Variants in SHISA9 observed in about 807,000 individuals in gnomAD.
SHISA9 encodes protein shisa-9.
In SHISA9, 13 loss-of-function variants were observed where a neutral mutation model predicts 38.0. The observed-to-expected ratio is 0.34, with a 90% CI of 0.22 to 0.54. The LOEUF is 0.54. Ranked by LOEUF, SHISA9 falls within the 20% of genes least tolerant of loss-of-function variation. The probability of loss-of-function intolerance (pLI) is 0.91; values close to 1 mark genes in which losing one functional copy is unlikely to be tolerated. For missense variants in SHISA9, 538 were observed against 575.8 expected (o/e 0.93, Z 0.67); for synonymous variants, 275 against 242.0 (o/e 1.14, Z -1.27).
the SHISA9 span, among the ~76,000 whole-genome samples, chr16:13,248,751 T>C: frequency 6.6e-6 from 1 of 152,222 alleles, no homozygotes; most frequent in Non-Finnish European, 1.5e-5. Flanking sequence ...ATTTTGTTTT[T>C]GTTGGGGTCC....
the SHISA9 span, among the ~76,000 whole-genome samples, chr16:13,557,426 T>C: frequency 6.6e-6 from 1 of 152,192 alleles, no homozygotes; most frequent in African/African-American, 2.4e-5. Flanking sequence ...AAGCTCAGCC[T>C]GGTGAATAAC....
At chr16:13,176,907 C>T (rs1488850353) in intron 2 of SHISA9, among the ~76,000 whole-genome samples, 1 of 152,092 alleles carries the variant, frequency 6.6e-6, no homozygotes, top group Non-Finnish European at 1.5e-5. Context: ...GATGCTGAGT[C>T]GCTGTTATTC....
chr16:13,405,388 T>C, the SHISA9 span, among the ~76,000 whole-genome samples: 16 of 152,164 alleles, frequency 1.1e-4, no homozygotes, highest in Admixed American at 9.2e-4. Context: ...ACCCAGAAGA[T>C]AGAAAGATGC....
intron 2 of SHISA9, among the ~76,000 whole-genome samples, chr16:13,171,481 A>AGGGGGC (rs1411364064): frequency 2.5e-5 from 2 of 80,250 alleles, no homozygotes; most frequent in African/African-American, 9.3e-5. Context: ...TTGATACAGC[A>AGGGGGC]GGGGGCGGGG....
the SHISA9 span, among the ~76,000 whole-genome samples, chr16:13,479,069 T>A: frequency 6.6e-6 from 1 of 152,226 alleles, no homozygotes; most frequent in Non-Finnish European, 1.5e-5. Flanking sequence ...CATGGCCTCC[T>A]ACTGGAAGAA....
chr16:13,028,924 GA>G (rs2072958047), intron 2 of SHISA9, among the ~76,000 whole-genome samples: 1 of 152,136 alleles, frequency 6.6e-6, no homozygotes, highest in South Asian at 2.1e-4. Flanking sequence ...AGTGGGGGAC[GA>G]GTCCTTCCCT....
At chr16:13,126,540 A>AAG (rs2050258065) in intron 2 of SHISA9, among the ~76,000 whole-genome samples, 1 of 147,728 alleles carries the variant, frequency 6.8e-6, no homozygotes, top group African/African-American at 2.5e-5. Flanking sequence ...AGAGGGAGAG[A>AAG]GAAAGAGACT....
chr16:13,212,304 G>T (rs1420260099), intron 3 of SHISA9, among the ~76,000 whole-genome samples: 1 of 152,156 alleles, frequency 6.6e-6, no homozygotes, highest in East Asian at 1.9e-4. Flanking sequence ...AGGTCTCGTG[G>T]GTAGGGTTGC....
intron 2 of SHISA9, among the ~76,000 whole-genome samples, chr16:13,139,595 C>A (rs930975606): frequency 1.3e-5 from 2 of 151,882 alleles, no homozygotes; most frequent in African/African-American, 4.8e-5. Flanking sequence ...AACAGAGTTG[C>A]CCTAGTTGAA....
chr16:13,323,343 A>G, the SHISA9 span, among the ~76,000 whole-genome samples: 1 of 152,170 alleles, frequency 6.6e-6, no homozygotes, highest in Non-Finnish European at 1.5e-5. Flanking sequence ...CAACAGATGC[A>G]TTTTATCTCC....
chr16:12,905,456 C>T (rs1476192195), intron 1 of SHISA9, among the ~76,000 whole-genome samples: 2 of 152,088 alleles, frequency 1.3e-5, no homozygotes, highest in African/African-American at 4.8e-5. Context: ...CCCCACTCCC[C>T]TAATGGCTTT....
At chr16:13,474,785 A>G in the SHISA9 span, among the ~76,000 whole-genome samples, 1 of 152,198 alleles carries the variant, frequency 6.6e-6, no homozygotes, top group Non-Finnish European at 1.5e-5. Flanking sequence ...TAAGACAACC[A>G]TGTGAAAATC....
intron 2 of SHISA9, among the ~76,000 whole-genome samples, chr16:13,030,548 A>G (rs909896100): frequency 6.6e-6 from 1 of 152,104 alleles, no homozygotes; most frequent in Non-Finnish European, 1.5e-5. Flanking sequence ...ACCTGTCTGT[A>G]CTCAAAAATG....
the SHISA9 span, among the ~76,000 whole-genome samples, chr16:13,395,602 T>C: frequency 2.0e-5 from 3 of 152,248 alleles, no homozygotes; most frequent in Non-Finnish European, 1.5e-5. Context: ...TCATCTCATT[T>C]AGCTTTTAAA....
At chr16:12,939,234 C>G (rs976669248) in intron 2 of SHISA9, among the ~76,000 whole-genome samples, 3 of 152,162 alleles carry the variant, frequency 2.0e-5, no homozygotes, top group African/African-American at 7.2e-5. Flanking sequence ...CAGGTGCTCA[C>G]CACCACGCCT....
chr16:13,201,060 A>G lies in SHISA9; in HGVS notation c.692-2334A>G, dbSNP rs2051001613. On this transcript the variant is annotated intron_variant, in intron 2 of 4. Transcript: ENST00000558583. ...AAGGTTATGAGGGAAGCAGTGTAGG[A>G]AAGGTTAGGGAGCCACACAAAAATG... is the stretch of plus-strand genomic sequence containing the variant. 1.5e-5 allele frequency among the ~76,000 whole-genome samples: 2 copies of G among 135,358 alleles called. 1 individual carries two copies. The highest frequency in any genetic ancestry group is 5.8e-5 in the African/African-American group (2 of 34,400). 88.8% of individuals were successfully genotyped at this position (135,358 alleles called of 152,430 possible).
At chr16:13,040,316 C>T (rs766702833) in intron 2 of SHISA9, among the ~76,000 whole-genome samples, 10 of 152,180 alleles carry the variant, frequency 6.6e-5, no homozygotes, top group Non-Finnish European at 1.2e-4. Context: ...TCCTTAAACA[C>T]ATGGTGCTTC....
intron 2 of SHISA9, among the ~76,000 whole-genome samples, chr16:13,067,587 A>T (rs2073449751): frequency 6.6e-6 from 1 of 152,250 alleles, no homozygotes; most frequent in South Asian, 2.1e-4. Context: ...TCAAGGCTGC[A>T]GTGAGCTGTG....
intron 2 of SHISA9, among the ~76,000 whole-genome samples, chr16:12,942,101 C>T (rs1374858654): frequency 6.6e-6 from 1 of 152,158 alleles, no homozygotes; most frequent in Non-Finnish European, 1.5e-5. Flanking sequence ...GAGATCCCAA[C>T]AGCTTGAATT....
Sources: allele counts gnomAD v4.1 joint callset (sites outside exome capture counted in the v4.1 genomes callset), GRCh38; gene constraint gnomAD v4.1.1; transcripts MANE v1.5; gene names NCBI Gene and HGNC (gene_info 2026-07-23, HGNC 2026-07-21).